Variants in RNF220 observed in about 807,000 individuals in gnomAD.
The protein encoded by RNF220 is E3 ubiquitin-protein ligase RNF220.
RNF220 carries 7 observed loss-of-function variants against 67.1 expected under a neutral mutation model. That is an observed-to-expected ratio of 0.10 (90% CI 0.06 to 0.20). The LOEUF is 0.20. Ranked by LOEUF, RNF220 falls within the 10% of genes least tolerant of loss-of-function variation. The pLI, the probability that RNF220 is intolerant of heterozygous loss-of-function variation, is 1.00. For synonymous variants in RNF220, 270 were observed against 283.2 expected, an observed-to-expected ratio of 0.95 and a Z score of 0.47; for missense variants, 565 against 740.3, an observed-to-expected ratio of 0.76 and a Z score of 2.75.
At chr1:44,643,550 T>C (rs1465641443) in intron 8 of RNF220, 1 of 152,084 alleles carries the variant, frequency 6.6e-6, no homozygotes, top group Non-Finnish European at 1.5e-5. Context: ...GTAAGCAGAA[T>C]GAAGGAACAG....
chr1:44,467,569 G>T (rs550179796), intron 2 of RNF220, among the ~76,000 whole-genome samples: 26 of 152,348 alleles, frequency 1.7e-4, no homozygotes, highest in Admixed American at 1.1e-3. Flanking sequence ...GAACTGAAGA[G>T]AGTTAAGGCC....
At chr1:44,476,960 G>A (rs1172631576) in intron 2 of RNF220, among the ~76,000 whole-genome samples, 1 of 152,196 alleles carries the variant, frequency 6.6e-6, no homozygotes, top group Non-Finnish European at 1.5e-5. Flanking sequence ...GAGCCCATCA[G>A]TTATGTGTTT....
At chr1:44,420,319 C>A (rs922184960) in intron 2 of RNF220, among the ~76,000 whole-genome samples, 1 of 152,158 alleles carries the variant, frequency 6.6e-6, no homozygotes. Context: ...GTGTGACTTA[C>A]CAGGCAAGAG....
intron 2 of RNF220, among the ~76,000 whole-genome samples, chr1:44,519,900 A>T (rs979648594): frequency 7.2e-5 from 11 of 152,112 alleles, no homozygotes; most frequent in African/African-American, 2.7e-4. Flanking sequence ...GTAACCACTG[A>T]AAGTTTTTAA....
intron 2 of RNF220, among the ~76,000 whole-genome samples, chr1:44,542,481 CCA>C (rs1661750452): frequency 1.3e-5 from 2 of 152,178 alleles, no homozygotes; most frequent in Admixed American, 1.3e-4. Context: ...TAAGAAACTA[CCA>C]CAGAGATGGC....
chr1:44,457,945 G>C (rs1653364550), intron 2 of RNF220, among the ~76,000 whole-genome samples: 1 of 152,008 alleles, frequency 6.6e-6, no homozygotes, highest in Non-Finnish European at 1.5e-5. Context: ...TACGGATTTT[G>C]GCTTCGGCTT....
At chr1:44,502,919 T>A (rs1330213939) in intron 2 of RNF220, among the ~76,000 whole-genome samples, 2 of 152,144 alleles carry the variant, frequency 1.3e-5, no homozygotes, top group African/African-American at 4.8e-5. Flanking sequence ...AAGCACGTTG[T>A]CATGCCTGAC....
In RNF220 at chr1:44,480,433, A is replaced by G. The variant is rs575946265; in HGVS notation, c.625+67711A>G. Among the ~76,000 whole-genome samples the G allele has an allele frequency of 3.3e-5, 5 of 151,908 alleles. No homozygotes were observed. The South Asian group carries it at 6.2e-4, about 19-fold the overall frequency. The stretch of plus-strand genomic sequence containing the variant: ...AATTAATTAATTAATTAATTAAGTG[A>G]TTGCAAAAGATGAAATGAAAATGAA... On this transcript the variant is annotated intron_variant, in intron 2 of 14. Coordinates refer to ENST00000361799, the MANE Select transcript of RNF220 (RefSeq NM_018150.4).
chr1:44,556,717 C>A (rs1054684906), intron 2 of RNF220, among the ~76,000 whole-genome samples: 1 of 152,030 alleles, frequency 6.6e-6, no homozygotes, highest in South Asian at 2.1e-4. Context: ...CTGCACCACG[C>A]CCTGCTAATT....
chr1:44,510,770 A>C (rs983438325), intron 2 of RNF220, among the ~76,000 whole-genome samples: 3 of 152,138 alleles, frequency 2.0e-5, no homozygotes, highest in Non-Finnish European at 4.4e-5. Context: ...GTGTCCTGCT[A>C]TTTTGTTCAC....
intron 2 of RNF220, among the ~76,000 whole-genome samples, chr1:44,498,098 C>A (rs920438208): frequency 2.6e-5 from 4 of 152,280 alleles, no homozygotes; most frequent in Admixed American, 2.0e-4. Flanking sequence ...CCAGGCGTGC[C>A]AGAAGGAAAG....
chr1:44,560,644 C>T (rs376558416), intron 2 of RNF220, among the ~76,000 whole-genome samples: 24 of 152,304 alleles, frequency 1.6e-4, no homozygotes, highest in East Asian at 1.2e-3. Flanking sequence ...TCACTGCAAC[C>T]ACAGCCTCCT....
At chr1:44,423,999 G>A (rs1423230973) in intron 2 of RNF220, 3 of 985,348 alleles carry the variant, frequency 3.0e-6, no homozygotes, top group East Asian at 1.1e-4. Flanking sequence ...TCCTTCCCTG[G>A]CCTCTTATCT....
intron 6 of RNF220, among the ~76,000 whole-genome samples, chr1:44,633,817 T>C (rs558369690): frequency 1.8e-4 from 27 of 152,354 alleles, no homozygotes; most frequent in African/African-American, 6.3e-4. Flanking sequence ...GGTCCTTTGC[T>C]CAATGCCTTT....
intron 2 of RNF220, among the ~76,000 whole-genome samples, chr1:44,426,058 A>G (rs1649738499): frequency 6.6e-6 from 1 of 152,214 alleles, no homozygotes; most frequent in African/African-American, 2.4e-5. Context: ...TGTTTTCTAT[A>G]CAGACATCTC....
chr1:44,419,193 A>G (rs968761036), intron 2 of RNF220: 1 of 152,344 alleles, frequency 6.6e-6, no homozygotes, highest in African/African-American at 2.4e-5. Flanking sequence ...AATTTTTTTT[A>G]AGTATCATTT....
At chr1:44,506,476 G>A (rs1325928051) in intron 2 of RNF220, among the ~76,000 whole-genome samples, 4 of 152,214 alleles carry the variant, frequency 2.6e-5, no homozygotes, top group African/African-American at 9.7e-5. Context: ...GTGGGGTGAG[G>A]GCCTCTCCAC....
chr1:44,591,864 C>T (rs987109407), intron 2 of RNF220, among the ~76,000 whole-genome samples: 3 of 152,080 alleles, frequency 2.0e-5, no homozygotes, highest in Admixed American at 6.5e-5. Flanking sequence ...TGCCATCTGA[C>T]ACTCCAGACT....
chr1:44,406,601 G>A (rs1647353863), intron 1 of RNF220, among the ~76,000 whole-genome samples: 1 of 152,232 alleles, frequency 6.6e-6, no homozygotes, highest in Non-Finnish European at 1.5e-5. Flanking sequence ...CACTGCCGCC[G>A]CGCTTGTCAG....
Sources: allele counts gnomAD v4.1 joint callset (sites outside exome capture counted in the v4.1 genomes callset), GRCh38; gene constraint gnomAD v4.1.1; transcripts MANE v1.5; gene names NCBI Gene and HGNC (gene_info 2026-07-23, HGNC 2026-07-21).